GRM8: variants seen among roughly 807,000 people sequenced by gnomAD.
The protein encoded by GRM8 is glutamate metabotropic receptor 8, also known as metabotropic glutamate receptor 8.
A neutral mutation model predicts 87.2 loss-of-function variants in GRM8; 47 were observed. That is an observed-to-expected ratio of 0.54 (90% CI 0.43 to 0.69). The LOEUF is 0.69. Among genes scored for constraint, GRM8 ranks in the 30% least tolerant of loss-of-function variants. The pLI is 0.00. For missense variants in GRM8, 1,019 were observed against 1,139.2 expected (o/e 0.89, Z 1.52); for synonymous variants, 396 against 404.5 (o/e 0.98, Z 0.25).
At chr7:126,931,160 G>A (rs1805725337) in intron 3 of GRM8, among the ~76,000 whole-genome samples, 1 of 152,174 alleles carries the variant, frequency 6.6e-6, no homozygotes, top group Non-Finnish European at 1.5e-5. Context: ...GGAGTAATGG[G>A]AAATAAAGAT....
At chr7:126,788,895 T>C (rs1171853861) in intron 6 of GRM8, among the ~76,000 whole-genome samples, 2 of 152,050 alleles carry the variant, frequency 1.3e-5, no homozygotes, top group South Asian at 2.1e-4. Context: ...TCACAGAGAA[T>C]AGATTTTTCA....
intron 6 of GRM8, among the ~76,000 whole-genome samples, chr7:126,807,738 G>A (rs565352427): frequency 6.6e-6 from 1 of 152,154 alleles, no homozygotes; most frequent in Admixed American, 6.5e-5. Context: ...GTGGTCCCAG[G>A]CATGTAGGCA....
rs561754787 is a variant in GRM8 at position 126,892,082 on chromosome 7, T to C, written c.1156+10460A>G. 2.0e-5 allele frequency among the ~76,000 whole-genome samples: 3 copies of C among 150,780 alleles called. No homozygotes were observed. The East Asian group carries it at 5.9e-4, about 30-fold the overall frequency. ...ATAATTTTTTAGAAAATGCTTAAATTGTATAAATAAATATAGTTTTAATAT... is the reference window on the plus strand; with the variant it reads ...ATAATTTTTTAGAAAATGCTTAAATCGTATAAATAAATATAGTTTTAATAT... On this transcript the variant is annotated intron_variant, in intron 6 of 10. Coordinates refer to ENST00000339582, the MANE Select transcript of GRM8 (RefSeq NM_000845.3).
At chr7:126,893,964 C>G (rs1801306148) in intron 6 of GRM8, among the ~76,000 whole-genome samples, 1 of 151,978 alleles carries the variant, frequency 6.6e-6, no homozygotes, top group Non-Finnish European at 1.5e-5. Context: ...TGTATTTCAG[C>G]AAATCATATC....
At chr7:127,183,991 A>G (rs7783691) in intron 2 of GRM8, among the ~76,000 whole-genome samples, 3,138 of 152,038 alleles carry the variant, frequency 0.021, 103 homozygotes, top group African/African-American at 0.072. Flanking sequence ...TCTGAAGAGG[A>G]CCATATCTAC....
At position 126,438,970 on chromosome 7, in the gene GRM8, C is replaced by G. The variant is rs1392493196; in HGVS notation, c.*149G>C. 1 of 622,812 alleles carries G rather than the reference C, an allele frequency of 1.6e-6. No homozygotes were observed. The highest frequency in any genetic ancestry group is 2.9e-6 in the Non-Finnish European group (1 of 344,016). 38.6% of individuals were successfully genotyped at this position (622,812 alleles called of 1,614,324 possible). On this transcript the variant is annotated 3_prime_UTR_variant, in exon 11 of 11. Coordinates refer to ENST00000339582, the MANE Select transcript of GRM8 (RefSeq NM_000845.3). Reference sequence around the variant, plus strand: ...ACTCCCCGTTTATTGATACTTTTGGCTCATGGCTAATTTTTGTTCCTTACA... The same window carrying G: ...ACTCCCCGTTTATTGATACTTTTGGGTCATGGCTAATTTTTGTTCCTTACA...
chr7:127,148,726 C>A (rs1300723804), intron 2 of GRM8, among the ~76,000 whole-genome samples: 1 of 151,936 alleles, frequency 6.6e-6, no homozygotes, highest in East Asian at 1.9e-4. Flanking sequence ...TCCTAAACAA[C>A]CAATGGGTCA....
At chr7:127,234,135 T>A (rs925214590) in intron 2 of GRM8, among the ~76,000 whole-genome samples, 1 of 152,212 alleles carries the variant, frequency 6.6e-6, no homozygotes, top group Admixed American at 6.5e-5. Context: ...TCTCATTGCA[T>A]AATGGAAATC....
chr7:126,963,817 G>T (rs1266885192), intron 3 of GRM8, among the ~76,000 whole-genome samples: 2 of 151,972 alleles, frequency 1.3e-5, no homozygotes, highest in Admixed American at 6.6e-5. Context: ...GAAAACTACT[G>T]TTAATTTCAT....
At chr7:126,530,450 G>T (rs1814613140) in intron 9 of GRM8, among the ~76,000 whole-genome samples, 1 of 152,204 alleles carries the variant, frequency 6.6e-6, no homozygotes, top group African/African-American at 2.4e-5. Context: ...CCTTGCTGGT[G>T]CCGGCAGGCA....
intron 7 of GRM8, among the ~76,000 whole-genome samples, chr7:126,639,031 T>C (rs1199275521): frequency 6.6e-6 from 1 of 152,102 alleles, no homozygotes; most frequent in African/African-American, 2.4e-5. Context: ...CACGCTGGCT[T>C]CCCCAGGGAC....
At chr7:126,917,871 C>T (rs909823689) in intron 3 of GRM8, among the ~76,000 whole-genome samples, 4 of 152,080 alleles carry the variant, frequency 2.6e-5, no homozygotes, top group African/African-American at 7.2e-5. Context: ...TTTCATTGAC[C>T]GACATCCTCT....
At chr7:126,958,427 C>G (rs189955377) in intron 3 of GRM8, among the ~76,000 whole-genome samples, 1 of 152,180 alleles carries the variant, frequency 6.6e-6, no homozygotes, top group Non-Finnish European at 1.5e-5. Flanking sequence ...ATACCAGTGC[C>G]CACAGCAGAA....
chr7:126,713,280 G>A (rs6959188), intron 7 of GRM8, among the ~76,000 whole-genome samples: 172 of 152,280 alleles, frequency 1.1e-3, no homozygotes, highest in African/African-American at 3.8e-3. Context: ...AAAAGAATGA[G>A]TTCATATCCT....
intron 7 of GRM8, among the ~76,000 whole-genome samples, chr7:126,678,353 G>A (rs891269218): frequency 1.3e-5 from 2 of 152,184 alleles, no homozygotes; most frequent in Non-Finnish European, 2.9e-5. Context: ...ATACCGTGGA[G>A]TAATCTGATT....
At chr7:126,505,605 C>A (rs1257162903) in intron 9 of GRM8, among the ~76,000 whole-genome samples, 4 of 152,006 alleles carry the variant, frequency 2.6e-5, no homozygotes, top group Admixed American at 6.6e-5. Flanking sequence ...GGTAAACAAA[C>A]CTTAGGTCCA....
intron 3 of GRM8, among the ~76,000 whole-genome samples, chr7:126,941,416 G>A (rs1301676316): frequency 2.0e-5 from 3 of 147,984 alleles, no homozygotes; most frequent in Non-Finnish European, 4.4e-5. Flanking sequence ...GACCACCCTG[G>A]CCAACACAGT....
At chr7:126,955,397 A>T (rs1460688417) in intron 3 of GRM8, among the ~76,000 whole-genome samples, 1 of 152,310 alleles carries the variant, frequency 6.6e-6, no homozygotes, top group East Asian at 1.9e-4. Context: ...AGAACTGCAG[A>T]AAAGTTCTCA....
intron 3 of GRM8, among the ~76,000 whole-genome samples, chr7:127,046,398 G>A (rs181043362): frequency 2.0e-5 from 3 of 151,142 alleles, no homozygotes; most frequent in Non-Finnish European, 4.4e-5. Flanking sequence ...AAAAAAAAAA[G>A]AAAATCATTT....
Sources: gnomAD v4.1 joint callset for allele counts (sites outside exome capture counted in the v4.1 genomes callset) on GRCh38, gnomAD v4.1.1 for gene constraint, MANE v1.5 for transcripts, NCBI Gene and HGNC (gene_info 2026-07-23, HGNC 2026-07-21) for gene names.